The following TRIM35 variants were observed in gnomAD, a reference collection of about 807,000 sequenced individuals.
TRIM35 encodes the protein E3 ubiquitin-protein ligase TRIM35.
TRIM35 carries 37 observed loss-of-function variants against 49.1 expected under a neutral mutation model. The ratio of observed to expected loss-of-function variants is 0.75; its 90% confidence interval spans 0.58 to 0.99. The LOEUF (loss-of-function observed/expected upper bound fraction) is 0.99. TRIM35 is among the 50% of genes least tolerant of loss of function. The probability of loss-of-function intolerance (pLI) is 0.00; values close to 1 mark genes in which losing one functional copy is unlikely to be tolerated. For synonymous variants in TRIM35, 302 were observed against 289.3 expected, an observed-to-expected ratio of 1.04 and a Z score of -0.45; for missense variants, 648 against 702.7, an observed-to-expected ratio of 0.92 and a Z score of 0.88.
Position 27,287,574 on chromosome 8 carries a change from A to G in TRIM35, c.1458T>C (p.Ser486=), listed in dbSNP as rs1313103099. The stretch of plus-strand genomic sequence containing the variant: ...CTCAGCCATCCAGTTCTTCCTTGAC[A>G]CTGATGTGCAAGGGGCAGATGCGCA... The part of the protein sequence containing the change: ...EPLRICPLHI[S]VKEELDG The change falls in exon 6 of 6, where the codon AGT becomes AGC. Residue 486 remains serine (S), a synonymous_variant. Coordinates refer to ENST00000305364, the MANE Select transcript of TRIM35 (RefSeq NM_171982.5). This position sits in a 1 kb window ranked among gnomAD's most constrained non-coding sequence, Gnocchi z 6.0. 4 of 1,594,840 alleles carry G rather than the reference A, an allele frequency of 2.5e-6. No homozygotes were observed. The highest frequency in any genetic ancestry group is 3.4e-6 in the Non-Finnish European group (4 of 1,169,974).
intron 4 of TRIM35, among the ~76,000 whole-genome samples, chr8:27,289,808 T>C (rs1367055498): frequency 2.0e-5 from 3 of 152,156 alleles, no homozygotes; most frequent in African/African-American, 7.2e-5. Flanking sequence ...CACCATGGCC[T>C]AAGGCTCTCA....
Position 27,311,243 on chromosome 8 carries a change from G to C in TRIM35, c.-8C>G. 1 of 1,512,672 alleles carries C rather than the reference G, an allele frequency of 6.6e-7. No individual in the cohort carries two copies. Among genetic ancestry groups the C allele is most frequent in the Non-Finnish European group, 8.8e-7 (1 of 1,130,232 alleles). 93.7% of individuals were successfully genotyped at this position (1,512,672 alleles called of 1,614,324 possible). ...GTCGGGACTCCGCTCCATGGCACGA[G>C]CAGCCGGCTCGGGCGCCCGGAACTT... On this transcript the variant is annotated 5_prime_UTR_variant, in exon 1 of 6. Coordinates refer to ENST00000305364, the MANE Select transcript of TRIM35 (RefSeq NM_171982.5).
At chr8:27,310,042 A>G (rs887367202) in intron 1 of TRIM35, among the ~76,000 whole-genome samples, 21 of 152,182 alleles carry the variant, frequency 1.4e-4, no homozygotes, top group Admixed American at 1.3e-3. Flanking sequence ...GGACATGTTC[A>G]GAAAACTTTT....
chr8:27,296,264 A>G (rs1271230010), intron 2 of TRIM35, among the ~76,000 whole-genome samples: 1 of 151,152 alleles, frequency 6.6e-6, no homozygotes, highest in Non-Finnish European at 1.5e-5. Context: ...CTGTCAACCC[A>G]TCACCTAGGC....
At chr8:27,295,251 G>GA (rs1173740001) in intron 2 of TRIM35, among the ~76,000 whole-genome samples, 1 of 152,194 alleles carries the variant, frequency 6.6e-6, no homozygotes, top group Admixed American at 6.5e-5. Context: ...AAGCCTTGAA[G>GA]AAAGAATGAG....
intron 2 of TRIM35, 91 bp from the exon 3 acceptor site, chr8:27,294,401 T>C: frequency 8.0e-7 from 1 of 1,250,800 alleles, no homozygotes; most frequent in African/African-American, 1.5e-5. Flanking sequence ...AGGAAATTTA[T>C]GTTCAAATAA....
chr8:27,300,747 T>G (rs1008766493), intron 1 of TRIM35, among the ~76,000 whole-genome samples: 1 of 152,258 alleles, frequency 6.6e-6, no homozygotes, highest in African/African-American at 2.4e-5. Flanking sequence ...CTGTAGTATA[T>G]CATCTCTAAT....
Position 27,286,428 on chromosome 8 carries a change from G to T in TRIM35, c.*1122C>A, listed in dbSNP as rs1802320934. The T allele has an allele frequency of 1.7e-5, 5 of 285,894 alleles. No individual in the cohort carries two copies. Among genetic ancestry groups the T allele is most frequent in the Non-Finnish European group, 3.5e-5 (5 of 143,608 alleles). The allele number at this position is 285,894 out of a possible 1,614,324, so 17.7% of individuals were successfully genotyped here. ...TCCTTTCTTCCCAACTGAAAAGGGTGCCCTCTTTCCTTCTTTTCTGCAGAC... is the reference window on the plus strand; with the variant it reads ...TCCTTTCTTCCCAACTGAAAAGGGTTCCCTCTTTCCTTCTTTTCTGCAGAC... On this transcript the variant is annotated 3_prime_UTR_variant, in exon 6 of 6. Coordinates refer to ENST00000305364, the MANE Select transcript of TRIM35 (RefSeq NM_171982.5).
rs570480513 is a variant in TRIM35 at position 27,288,254 on chromosome 8, C to G, written c.905-127G>C. On this transcript the variant is annotated intron_variant, in intron 5 of 5. Transcript: ENST00000305364. Reference sequence around the variant, plus strand: ...CCCCAAGTCCATGCAAGGAGTGGCCCAGGGCTGGAGTGGTGGCAGGGGTTG... The same window carrying G: ...CCCCAAGTCCATGCAAGGAGTGGCCGAGGGCTGGAGTGGTGGCAGGGGTTG... 2.0e-4 allele frequency: 186 copies of G among 936,764 alleles called. 1 individual carries two copies. The highest frequency in any genetic ancestry group is 1.0e-3 in the Middle Eastern group (4 of 3,878). The allele number at this position is 936,764 out of a possible 1,614,324, so 58.0% of individuals were successfully genotyped here.
rs1042931372 is a variant in TRIM35 at position 27,285,855 on chromosome 8, G to A, written c.*1695C>T. ...AGACACTTTGGCTCCCAAAGGGCTT[G>A]GAGCTTTTGTGAGGCTGAGCATCTT... On this transcript the variant is annotated 3_prime_UTR_variant, in exon 6 of 6. Coordinates refer to ENST00000305364, the MANE Select transcript of TRIM35 (RefSeq NM_171982.5). 12 of 257,222 alleles carry A rather than the reference G, an allele frequency of 4.7e-5. No individual in the cohort carries two copies. Among genetic ancestry groups the A allele is most frequent in the South Asian group, 2.9e-4 (7 of 23,984 alleles). The allele number at this position is 257,222 out of a possible 1,614,324, so 15.9% of individuals were successfully genotyped here. A position where few individuals can be genotyped will look rare whatever the true frequency, so the allele number is the denominator to read the frequency against.
intron 2 of TRIM35, among the ~76,000 whole-genome samples, chr8:27,295,185 A>G (rs1178372906): frequency 6.6e-6 from 1 of 152,234 alleles, no homozygotes; most frequent in Non-Finnish European, 1.5e-5. Context: ...AAAAGCAAAT[A>G]AATATTTCTC....
In TRIM35 at chr8:27,286,070, G is replaced by A. The variant is rs761234731; in HGVS notation, c.*1480C>T. 2 of 456,008 alleles carry A rather than the reference G, an allele frequency of 4.4e-6. No homozygotes were observed. The highest frequency in any genetic ancestry group is 8.8e-6 in the Non-Finnish European group (2 of 226,914). The allele number at this position is 456,008 out of a possible 1,614,324, so 28.2% of individuals were successfully genotyped here. On this transcript the variant is annotated 3_prime_UTR_variant, in exon 6 of 6. Coordinates refer to ENST00000305364, the MANE Select transcript of TRIM35 (RefSeq NM_171982.5). Reference sequence around the variant, plus strand: ...TTTAAAATGTCAGCTTTTGTGAACTGAAGGGGATGGGCAGAAGGCAGGATG... The same window carrying A: ...TTTAAAATGTCAGCTTTTGTGAACTAAAGGGGATGGGCAGAAGGCAGGATG...
In TRIM35 at chr8:27,294,219, G is replaced by T. The variant is rs1166310471; in HGVS notation, c.623C>A (p.Ala208Asp). Residue 208 changes from alanine to aspartate, a missense_variant, in exon 3 of 6, where the codon GCC (alanine) becomes GAC (aspartate). Transcript: ENST00000305364. ...LRVEEQAILD[A>D]MAEETRQKQL... ...CTTCTGCCTTGTCTCCTCGGCCATG[G>T]CATCCAGAATGGCCTGCTCCTCCAC... The T allele has an allele frequency of 6.2e-7, 1 of 1,614,142 alleles. No individual in the cohort carries two copies. The highest frequency in any genetic ancestry group is 8.5e-7 in the Non-Finnish European group (1 of 1,180,032).
intron 5 of TRIM35, among the ~76,000 whole-genome samples, chr8:27,288,435 G>T (rs180867253): frequency 3.9e-5 from 6 of 152,312 alleles, no homozygotes; most frequent in Admixed American, 1.3e-4. Context: ...AAATAAAGAG[G>T]AGACAGACAC....
chr8:27,311,045 G>T lies in TRIM35; in HGVS notation c.191C>A (p.Ala64Glu). 6.3e-7 allele frequency: 1 copy of T among 1,599,558 alleles called. No homozygotes were observed. Among genetic ancestry groups the T allele is most frequent in the Non-Finnish European group, 8.5e-7 (1 of 1,173,798 alleles). Residue 64 changes from alanine (A) to glutamate (E), a missense_variant, in exon 1 of 6, where the codon GCG becomes GAG. Transcript: ENST00000305364. ...GTTGGTGCGCAGGTCGGCGGGTGAC[G>T]CGCGGTCTTTGCACACTGGGCAGGT... ...SPTCPVCKDRASPADLRTNHT... is the reference protein window; with the variant it reads ...SPTCPVCKDRESPADLRTNHT...
In TRIM35 at chr8:27,289,223, G is replaced by T; in HGVS notation, c.843C>A (p.Cys281Ter). 1 of 1,614,188 alleles carries T rather than the reference G, an allele frequency of 6.2e-7. No individual in the cohort carries two copies. The highest frequency in any genetic ancestry group is 8.5e-7 in the Non-Finnish European group (1 of 1,180,018). The change falls in exon 5 of 6, where the codon TGC (cysteine) becomes TGA (stop). Residue 281 changes from cysteine (C) to a stop codon, truncating the protein, a stop_gained. Coordinates refer to ENST00000305364, the MANE Select transcript of TRIM35 (RefSeq NM_171982.5). LOFTEE classifies it high-confidence loss of function. ...PVQPGMLIDV[C>*]KYLGSLQYRV... is the part of the protein sequence containing the mutation. ...GGTACTGCAGGGAGCCCAGGTACTTGCAGACATCGATAAGCATGCCGGGCT... is the reference window on the plus strand; with the variant it reads ...GGTACTGCAGGGAGCCCAGGTACTTTCAGACATCGATAAGCATGCCGGGCT...
At chr8:27,304,607 C>T (rs929170416) in intron 1 of TRIM35, among the ~76,000 whole-genome samples, 1 of 152,186 alleles carries the variant, frequency 6.6e-6, no homozygotes, top group Admixed American at 6.5e-5. Flanking sequence ...TAGTGGTGCT[C>T]GGTACACTTC....
At chr8:27,288,768 T>A (rs1169127336) in intron 5 of TRIM35, among the ~76,000 whole-genome samples, 1 of 152,070 alleles carries the variant, frequency 6.6e-6, no homozygotes, top group Non-Finnish European at 1.5e-5. Flanking sequence ...ATTCCCTGAG[T>A]CAGTGATATT....
rs757296009 is a variant in TRIM35, at chr8:27,311,239, A to C, written c.-4T>G. The C allele has an allele frequency of 4.4e-5, 67 of 1,520,892 alleles. No individual in the cohort carries two copies. Among genetic ancestry groups the C allele is most frequent in the Non-Finnish European group, 5.3e-5 (60 of 1,133,558 alleles). 94.2% of individuals were successfully genotyped at this position (1,520,892 alleles called of 1,614,324 possible). On this transcript the variant is annotated 5_prime_UTR_variant, in exon 1 of 6. Transcript: ENST00000305364. The stretch of plus-strand genomic sequence containing the variant: ...ACACGTCGGGACTCCGCTCCATGGC[A>C]CGAGCAGCCGGCTCGGGCGCCCGGA...
Sources: allele counts gnomAD v4.1 joint callset (sites outside exome capture counted in the v4.1 genomes callset), GRCh38; gene constraint gnomAD v4.1.1; non-coding constraint Gnocchi (gnomAD v3.1); transcripts MANE v1.5; gene names NCBI Gene and HGNC (gene_info 2026-07-23, HGNC 2026-07-21).